The following LPAR1 variants were observed in gnomAD, a reference collection of about 807,000 sequenced individuals.
LPAR1 encodes the protein lysophosphatidic acid receptor 1.
Under a neutral mutation model 23.8 loss-of-function variants are expected in LPAR1, and 5 were observed. That is an observed-to-expected ratio of 0.21 (90% CI 0.11 to 0.44). LPAR1 has a LOEUF of 0.44. Among genes scored for constraint, LPAR1 ranks in the 20% least tolerant of loss-of-function variants. LPAR1 has a pLI of 0.99. For synonymous variants in LPAR1, 160 were observed against 164.7 expected (o/e 0.97, Z 0.22); for missense variants, 311 against 482.8 (o/e 0.64, Z 3.33).
intron 2 of LPAR1, among the ~76,000 whole-genome samples, chr9:110,980,900 A>G (rs947661805): frequency 1.3e-5 from 2 of 152,112 alleles, no homozygotes; most frequent in African/African-American, 4.8e-5. Context: ...TATCCCATAA[A>G]TATGTACAAA....
At chr9:110,937,499 T>A (rs968838574) in intron 5 of LPAR1, among the ~76,000 whole-genome samples, 2 of 152,178 alleles carry the variant, frequency 1.3e-5, no homozygotes, top group African/African-American at 4.8e-5. Flanking sequence ...TCAGTTTTTA[T>A]CAACTGGAAA....
chr9:110,933,815 G>A (rs2900519), intron 5 of LPAR1, among the ~76,000 whole-genome samples: 24,727 of 152,112 alleles, frequency 0.16, 2,745 homozygotes, highest in East Asian at 0.6. Context: ...TGGTTCCTCT[G>A]TCCACACTTC....
intron 5 of LPAR1, among the ~76,000 whole-genome samples, chr9:110,878,778 T>G (rs561063524): frequency 5.3e-5 from 8 of 152,258 alleles, no homozygotes; most frequent in Non-Finnish European, 1.2e-4. Context: ...TGCAGAGCCC[T>G]AGGATAGATT....
At chr9:111,037,199 G>A (rs573234307) in intron 1 of LPAR1, among the ~76,000 whole-genome samples, 45 of 152,290 alleles carry the variant, frequency 3.0e-4, no homozygotes, top group African/African-American at 1.0e-3. Context: ...GGATTTCGCT[G>A]TGATCATCAA....
chr9:111,026,064 G>T (rs1351138789), intron 2 of LPAR1, among the ~76,000 whole-genome samples: 2 of 152,190 alleles, frequency 1.3e-5, no homozygotes, highest in African/African-American at 4.8e-5. Flanking sequence ...ATTCTGTGAA[G>T]AAAGTCAATG....
intron 5 of LPAR1, among the ~76,000 whole-genome samples, chr9:110,906,221 C>T (rs1348536926): frequency 6.6e-6 from 1 of 152,156 alleles, no homozygotes; most frequent in Non-Finnish European, 1.5e-5. Flanking sequence ...CTAGAATCAA[C>T]CTTCTGACTA....
At chr9:110,960,691 G>A (rs1392908319) in intron 4 of LPAR1, among the ~76,000 whole-genome samples, 1 of 152,160 alleles carries the variant, frequency 6.6e-6, no homozygotes, top group South Asian at 2.1e-4. Flanking sequence ...CATTAAGAGA[G>A]AGAGGAAGAA....
At chr9:111,031,083 T>G (rs748894674) in intron 2 of LPAR1, among the ~76,000 whole-genome samples, 2 of 152,066 alleles carry the variant, frequency 1.3e-5, no homozygotes, top group Non-Finnish European at 2.9e-5. Context: ...AGAGAGAGAT[T>G]TTTACATTTA....
chr9:110,901,674 G>T (rs926121172), intron 5 of LPAR1, among the ~76,000 whole-genome samples: 1 of 152,130 alleles, frequency 6.6e-6, no homozygotes, highest in African/African-American at 2.4e-5. Flanking sequence ...TGACATGTGG[G>T]AATTGTGGCA....
At chr9:111,027,329 AAAAT>A (rs537422907) in intron 2 of LPAR1, among the ~76,000 whole-genome samples, 1 of 151,934 alleles carries the variant, frequency 6.6e-6, no homozygotes, top group Non-Finnish European at 1.5e-5. Context: ...CTCTACCCAA[AAAAT>A]AAATAAATAA....
chr9:110,945,098 C>T (rs1371537173), intron 4 of LPAR1, among the ~76,000 whole-genome samples: 1 of 152,072 alleles, frequency 6.6e-6, no homozygotes, highest in African/African-American at 2.4e-5. Flanking sequence ...GGAATTAAAC[C>T]TCCTCTCTTA....
chr9:110,958,952 T>C (rs1371201608), intron 4 of LPAR1, among the ~76,000 whole-genome samples: 2 of 147,560 alleles, frequency 1.4e-5, no homozygotes, highest in African/African-American at 5.0e-5. Context: ...CCAGTAGGTA[T>C]ATGAAAAAAA....
At chr9:110,904,015 T>C (rs1207539437) in intron 5 of LPAR1, among the ~76,000 whole-genome samples, 1 of 152,046 alleles carries the variant, frequency 6.6e-6, no homozygotes, top group African/African-American at 2.4e-5. Flanking sequence ...AAAGGTGCAT[T>C]TTCCAAGTGC....
intron 2 of LPAR1, among the ~76,000 whole-genome samples, chr9:111,005,151 CAAAAAAAA>C (rs71371700): frequency 5.4e-5 from 4 of 74,290 alleles, no homozygotes; most frequent in Admixed American, 4.8e-4. Flanking sequence ...GACAAAGTCT[CAAAAAAAA>C]AAAAAAAAAA....
chr9:111,017,766 A>C (rs1303617436), intron 2 of LPAR1, among the ~76,000 whole-genome samples: 1 of 152,224 alleles, frequency 6.6e-6, no homozygotes, highest in Admixed American at 6.5e-5. Flanking sequence ...TCACGCCTAT[A>C]ATCTCAGCAC....
At chr9:110,965,504 A>G (rs1181118376) in intron 4 of LPAR1, among the ~76,000 whole-genome samples, 1 of 152,242 alleles carries the variant, frequency 6.6e-6, no homozygotes. Context: ...TTATGTGTCC[A>G]ACAAACATAT....
At chr9:110,943,134 T>A (rs1473322718) in intron 4 of LPAR1, among the ~76,000 whole-genome samples, 1 of 147,960 alleles carries the variant, frequency 6.8e-6, no homozygotes, top group African/African-American at 2.4e-5. Context: ...TGTAATTATA[T>A]ATAATAATAT....
Position 111,004,488 on chromosome 9 carries a change from A to T in LPAR1, c.-181-30930T>A, listed in dbSNP as rs533680635. On this transcript the variant is annotated intron_variant, in intron 2 of 5. Transcript: ENST00000683809. ...GATGAACCATGGCTTCCTCCACCCC[A>T]ACTCAAAACCTTAAGATCACTGACC... Among the ~76,000 whole-genome samples the T allele has an allele frequency of 9.2e-5, 14 of 152,208 alleles. No homozygotes were observed. The East Asian group carries it at 2.7e-3, about 29-fold the overall frequency.
chr9:110,981,512 ATT>A (rs10546906), intron 2 of LPAR1, among the ~76,000 whole-genome samples: 6,115 of 152,154 alleles, frequency 0.04, 390 homozygotes, highest in African/African-American at 0.13. Flanking sequence ...GATAGCTAAC[ATT>A]GTTTGCCAAA....
Sources: gnomAD v4.1 joint callset for allele counts (sites outside exome capture counted in the v4.1 genomes callset) on GRCh38, gnomAD v4.1.1 for gene constraint, MANE v1.5 for transcripts, NCBI Gene and HGNC (gene_info 2026-07-23, HGNC 2026-07-21) for gene names.